TOPBP1: variants seen among roughly 807,000 people sequenced by gnomAD.
TOPBP1 encodes DNA topoisomerase II binding protein 1.
TOPBP1 carries 28 observed loss-of-function variants against 167.7 expected under a neutral mutation model. That is an observed-to-expected ratio of 0.17 (90% CI 0.12 to 0.23). The LOEUF is 0.23. TOPBP1 is among the 10% of genes least tolerant of loss of function. The pLI is 1.00. For synonymous variants in TOPBP1, 598 were observed against 611.4 expected (o/e 0.98, Z 0.32); for missense variants, 1,554 against 1,809.6 (o/e 0.86, Z 2.56).
intron 14 of TOPBP1, among the ~76,000 whole-genome samples, chr3:133,632,058 C>A (rs1261995805): frequency 6.6e-6 from 1 of 152,170 alleles, no homozygotes; most frequent in South Asian, 2.1e-4. Context: ...TTTCCTGAGG[C>A]CTCCCCAGTG....
chr3:133,656,887 C>G, intron 4 of TOPBP1, 30 bp from the exon 5 acceptor site: 1 of 1,483,490 alleles, frequency 6.7e-7, no homozygotes, highest in Non-Finnish European at 9.0e-7. Context: ...CACATTAATG[C>G]TGAAGCAAAC....
At position 133,612,371 on chromosome 3, in the gene TOPBP1, A is replaced by G. The variant is rs1934711192; in HGVS notation, c.4035+18T>C. 6.2e-7 allele frequency: 1 copy of G among 1,612,564 alleles called. No individual in the cohort carries two copies. The highest frequency in any genetic ancestry group is 1.7e-5 in the Admixed American group (1 of 59,834). On this transcript the variant is annotated intron_variant, in intron 24 of 27. Transcript: ENST00000260810. ...TGCTTTTAAAGAAAAATAAACTTCC[A>G]CAAATCTGAATACACACCTGCACGA...
At position 133,608,661 on chromosome 3, in the gene TOPBP1, C is replaced by T. The variant is rs951042570; in HGVS notation, c.4299G>A (p.Glu1433=). 24 of 1,613,442 alleles carry T rather than the reference C, an allele frequency of 1.5e-5. No homozygotes were observed. The Admixed American group carries it at 2.7e-4, about 18-fold the overall frequency. ...TCAAGTCAGAAAAAAGATGTGTGGCCTCTTTAAATAAAGGTACAGAATGAC... is the reference window on the plus strand; with the variant it reads ...TCAAGTCAGAAAAAAGATGTGTGGCTTCTTTAAATAAAGGTACAGAATGAC... ...LPGHSVPLFK[E]ATHLFSDLNK... is the part of the protein sequence containing the mutation. Residue 1433 remains glutamate, a synonymous_variant, in exon 27 of 28, where the codon GAG becomes GAA. Coordinates refer to ENST00000260810, the MANE Select transcript of TOPBP1 (RefSeq NM_007027.4).
At chr3:133,616,123 T>C (rs552663103) in intron 23 of TOPBP1, among the ~76,000 whole-genome samples, 1,622 of 98,544 alleles carry the variant, frequency 0.016, 18 homozygotes, top group Middle Eastern at 0.04. Context: ...TTCTTTTCCC[T>C]TTTTTTTTTT....
chr3:133,643,977 G>A, intron 11 of TOPBP1, 43 bp downstream of exon 11: 1 of 1,508,238 alleles, frequency 6.6e-7, no homozygotes, highest in South Asian at 1.3e-5. Flanking sequence ...TTGGCATTCA[G>A]ATATCCTTCG....
intron 14 of TOPBP1, among the ~76,000 whole-genome samples, chr3:133,631,364 G>A (rs932446973): frequency 4.6e-5 from 7 of 152,084 alleles, no homozygotes; most frequent in Admixed American, 3.3e-4. Context: ...GATTATTCAC[G>A]TGACACCACA....
rs747061153 is a variant in TOPBP1 at position 133,649,398 on chromosome 3, C to A, written c.1489G>T (p.Gly497Cys). ...DEDLLSQYENGSSTVVEAKTS... is the reference protein window; with the variant it reads ...DEDLLSQYENCSSTVVEAKTS... Reference sequence around the variant, plus strand: ...CATTTCTTACCTACTGTGGAGCTACCATTTTCATATTGAGAGAGCAGATCT... The same window carrying A: ...CATTTCTTACCTACTGTGGAGCTACAATTTTCATATTGAGAGAGCAGATCT... The change falls in exon 10 of 28, where the codon GGT (glycine) becomes TGT (cysteine). Residue 497 changes from glycine (G) to cysteine (C), a missense_variant. Physicochemically the swap from Gly to Cys is radical, Grantham distance 159. This residue lies in a region of TOPBP1 where 1,197 missense variants were observed against 1,351.5 expected (regional missense o/e 0.89). Coordinates refer to ENST00000260810, the MANE Select transcript of TOPBP1 (RefSeq NM_007027.4). 8.1e-6 allele frequency: 13 copies of A among 1,613,084 alleles called. No homozygotes were observed. Among genetic ancestry groups the A allele is most frequent in the South Asian group, 1.1e-5 (1 of 91,048 alleles).
At chr3:133,636,218 A>G (rs1403598411) in intron 14 of TOPBP1, among the ~76,000 whole-genome samples, 1 of 152,186 alleles carries the variant, frequency 6.6e-6, no homozygotes, top group Non-Finnish European at 1.5e-5. Flanking sequence ...CATTAGCAGT[A>G]TATTTATTGT....
chr3:133,608,709 C>T lies in TOPBP1; in HGVS notation c.4264-13G>A, dbSNP rs199907110. 1.3e-5 allele frequency: 21 copies of T among 1,612,464 alleles called. No homozygotes were observed. The East Asian group carries it at 4.7e-4, about 36-fold the overall frequency. On this transcript the variant is annotated splice_polypyrimidine_tract_variant and intron_variant, in intron 26 of 27. Transcript: ENST00000260810. ...GACCAGGTAGCACCTAATGAAAAAA[C>T]AAGGTAGTATCACAATCTACCAGTA... is the stretch of plus-strand genomic sequence containing the variant.
chr3:133,638,835 TAGTGTTAGAC>T (rs1935768501), intron 13 of TOPBP1, among the ~76,000 whole-genome samples: 1 of 152,212 alleles, frequency 6.6e-6, no homozygotes, highest in Non-Finnish European at 1.5e-5. Context: ...ATGCCAGGCC[TAGTGTTAGAC>T]ATGGGAAATA....
At chr3:133,639,905 C>T in intron 13 of TOPBP1, 54 bp downstream of exon 13, 2 of 1,549,306 alleles carry the variant, frequency 1.3e-6, no homozygotes, top group Admixed American at 1.8e-5. Context: ...CATTTATATC[C>T]CAGAAACCAT....
intron 10 of TOPBP1, among the ~76,000 whole-genome samples, chr3:133,648,533 C>A (rs1157916347): frequency 6.6e-6 from 1 of 152,218 alleles, no homozygotes; most frequent in Non-Finnish European, 1.5e-5. Flanking sequence ...CTCAGTGGCT[C>A]ACGCCCGTAA....
chr3:133,604,835 C>T (rs946023608), intron 27 of TOPBP1, among the ~76,000 whole-genome samples: 3 of 151,886 alleles, frequency 2.0e-5, no homozygotes, highest in Non-Finnish European at 2.9e-5. Flanking sequence ...AGGAGAATCA[C>T]TTGAACCTAG....
chr3:133,648,750 A>G (rs2107822355), intron 10 of TOPBP1, among the ~76,000 whole-genome samples: 1 of 152,192 alleles, frequency 6.6e-6, no homozygotes, highest in African/African-American at 2.4e-5. Flanking sequence ...GTGAGCTGAG[A>G]TCATGCCACT....
At chr3:133,624,941 C>T (rs1935218832) in intron 16 of TOPBP1, among the ~76,000 whole-genome samples, 1 of 152,160 alleles carries the variant, frequency 6.6e-6, no homozygotes, top group Non-Finnish European at 1.5e-5. Flanking sequence ...TTATATTATG[C>T]TATGATCTCC....
At chr3:133,644,912 G>A (rs1936025593) in intron 10 of TOPBP1, among the ~76,000 whole-genome samples, 1 of 152,188 alleles carries the variant, frequency 6.6e-6, no homozygotes, top group African/African-American at 2.4e-5. Context: ...TATAAGCACT[G>A]TGACTAAGTG....
intron 14 of TOPBP1, among the ~76,000 whole-genome samples, chr3:133,629,436 T>A (rs1316830237): frequency 6.6e-6 from 1 of 152,200 alleles, no homozygotes; most frequent in Non-Finnish European, 1.5e-5. Context: ...GCAAAATGTA[T>A]CTACCAGCCC....
intron 27 of TOPBP1, among the ~76,000 whole-genome samples, chr3:133,603,654 T>C (rs764261683): frequency 9.2e-5 from 14 of 152,200 alleles, no homozygotes; most frequent in Admixed American, 7.2e-4. Flanking sequence ...AGAAATTATA[T>C]ATGGGTAAAC....
chr3:133,607,840 G>A (rs547055318), intron 27 of TOPBP1, among the ~76,000 whole-genome samples: 1 of 152,198 alleles, frequency 6.6e-6, no homozygotes, highest in East Asian at 1.9e-4. Context: ...GCTCTATAAC[G>A]GCTTCACATT....
Sources: allele counts gnomAD v4.1 joint callset (sites outside exome capture counted in the v4.1 genomes callset), GRCh38; gene constraint gnomAD v4.1.1; regional missense constraint gnomAD v4.1.1; transcripts MANE v1.5; gene names NCBI Gene and HGNC (gene_info 2026-07-23, HGNC 2026-07-21).